Variants in FKBP3 observed in about 807,000 individuals in gnomAD.
The protein encoded by FKBP3 is FKBP prolyl isomerase 3.
A neutral mutation model predicts 30.6 loss-of-function variants in FKBP3; 21 were observed. The ratio of observed to expected loss-of-function variants is 0.69; its 90% CI spans 0.49 to 0.99. The LOEUF (loss-of-function observed/expected upper bound fraction) is 0.99, where lower values mean the gene tolerates loss of function less well. Ranked by LOEUF, FKBP3 falls within the 50% of genes least tolerant of loss-of-function variation. The pLI, the probability that FKBP3 is intolerant of heterozygous loss-of-function variation, is 0.00. For synonymous variants in FKBP3, 82 were observed against 91.3 expected, an observed-to-expected ratio of 0.90 and a Z score of 0.58; for missense variants, 283 against 261.6, an observed-to-expected ratio of 1.08 and a Z score of -0.56.
chr14:45,134,097 A>C (rs1885299607), intron 1 of FKBP3, among the ~76,000 whole-genome samples: 1 of 152,144 alleles, frequency 6.6e-6, no homozygotes. Context: ...CAAGGATCCC[A>C]ATGAGGTTCT....
At chr14:45,120,711 C>T (rs1430080050) in intron 5 of FKBP3, among the ~76,000 whole-genome samples, 176 bp downstream of exon 5, 2 of 152,096 alleles carry the variant, frequency 1.3e-5, no homozygotes, top group Non-Finnish European at 1.5e-5. Context: ...TTATATGTAG[C>T]GAAACTGAGA....
chr14:45,122,250 G>C (rs767259707), intron 3 of FKBP3, among the ~76,000 whole-genome samples: 7 of 151,612 alleles, frequency 4.6e-5, no homozygotes, highest in Non-Finnish European at 7.4e-5. Context: ...AGCAGACAGA[G>C]GAACTGTCAA....
At chr14:45,131,628 C>CAAAAAAAAAAAAAA (rs536298530) in intron 1 of FKBP3, among the ~76,000 whole-genome samples, 1 of 39,496 alleles carries the variant, frequency 2.5e-5, no homozygotes, top group African/African-American at 8.6e-5. Flanking sequence ...GACTCTGTCT[C>CAAAAAAAAAAAAAA]AAAAAAAAAA....
intron 1 of FKBP3, among the ~76,000 whole-genome samples, chr14:45,132,228 C>T (rs1242032696): frequency 6.6e-6 from 1 of 152,102 alleles, no homozygotes; most frequent in Non-Finnish European, 1.5e-5. Context: ...GGAAAGGAGA[C>T]AAAGTTGACT....
intron 5 of FKBP3, among the ~76,000 whole-genome samples, chr14:45,119,375 A>G (rs1166972779): frequency 6.6e-6 from 1 of 152,072 alleles, no homozygotes; most frequent in Non-Finnish European, 1.5e-5. Flanking sequence ...AGCACTCAAG[A>G]CCAGCCTGAC....
intron 1 of FKBP3, among the ~76,000 whole-genome samples, chr14:45,132,259 C>T (rs1566709337): frequency 6.6e-6 from 1 of 152,176 alleles, no homozygotes; most frequent in Non-Finnish European, 1.5e-5. Context: ...AATCAGTTAC[C>T]TTTAGCATGC....
chr14:45,117,387 G>A (rs1884871436), intron 6 of FKBP3, among the ~76,000 whole-genome samples: 1 of 152,146 alleles, frequency 6.6e-6, no homozygotes, highest in Admixed American at 6.6e-5. Context: ...TAATCTGATG[G>A]GTCCAAGAGG....
intron 3 of FKBP3, among the ~76,000 whole-genome samples, chr14:45,123,966 A>G (rs1384653106): frequency 6.6e-6 from 1 of 151,744 alleles, no homozygotes; most frequent in African/African-American, 2.4e-5. Flanking sequence ...ATCAGACTGG[A>G]GTTTAGCTCT....
At chr14:45,123,956 A>AC in intron 3 of FKBP3, among the ~76,000 whole-genome samples, 1 of 151,716 alleles carries the variant, frequency 6.6e-6, no homozygotes, top group Admixed American at 6.6e-5. Context: ...CCCTCCACAA[A>AC]TCAGACTGGA....
At chr14:45,132,984 C>G (rs1219578895) in intron 1 of FKBP3, among the ~76,000 whole-genome samples, 1 of 152,194 alleles carries the variant, frequency 6.6e-6, no homozygotes, top group Non-Finnish European at 1.5e-5. Flanking sequence ...ATCCCCGACA[C>G]ATGTTCTTTT....
intron 1 of FKBP3, among the ~76,000 whole-genome samples, chr14:45,132,953 G>T (rs944476486): frequency 3.9e-5 from 6 of 152,142 alleles, no homozygotes; most frequent in African/African-American, 1.4e-4. Context: ...AGAGAAAATA[G>T]TTCCATTAAA....
chr14:45,126,607 C>G (rs960211706), intron 3 of FKBP3, among the ~76,000 whole-genome samples: 2 of 152,102 alleles, frequency 1.3e-5, no homozygotes, highest in African/African-American at 4.8e-5. Context: ...TATTGAAGAC[C>G]AGTGGTGACC....
chr14:45,134,328 C>A (rs754193578), intron 1 of FKBP3, 21 bp downstream of exon 1: 1 of 1,584,078 alleles, frequency 6.3e-7, no homozygotes, highest in Non-Finnish European at 8.7e-7. Flanking sequence ...ACCAGCCCGG[C>A]CGCCCCTACG....
chr14:45,121,985 C>A (rs1884995012), intron 3 of FKBP3, among the ~76,000 whole-genome samples: 1 of 152,010 alleles, frequency 6.6e-6, no homozygotes. Flanking sequence ...ATGGTGACTT[C>A]CCCCCCACAA....
At position 45,116,128 on chromosome 14, in the gene FKBP3, T is replaced by C. The variant is rs368824796; in HGVS notation, c.*70A>G. 17 of 1,046,946 alleles carry C rather than the reference T, an allele frequency of 1.6e-5. No homozygotes were observed. The highest frequency in any genetic ancestry group is 2.5e-5 in the Non-Finnish European group (17 of 671,122). The allele number at this position is 1,046,946 out of a possible 1,614,324, so 64.9% of individuals were successfully genotyped here. ...TACAATAGTAACAAGTTCTAACTAG[T>C]TGTGTAAATTTCTTCAAGGCCAAGT... On this transcript the variant is annotated 3_prime_UTR_variant, in exon 7 of 7. Coordinates refer to ENST00000396062, the MANE Select transcript of FKBP3 (RefSeq NM_002013.4).
intron 5 of FKBP3, 34 bp from the exon 6 acceptor site, chr14:45,118,159 T>C (rs1484548311): frequency 2.8e-5 from 41 of 1,449,662 alleles, no homozygotes; most frequent in Non-Finnish European, 3.9e-5. Flanking sequence ...ACTAATGGTA[T>C]TTTGCAAAAA....
At chr14:45,130,191 A>T (rs1193821748) in intron 2 of FKBP3, among the ~76,000 whole-genome samples, 2 of 152,250 alleles carry the variant, frequency 1.3e-5, no homozygotes, top group African/African-American at 4.8e-5. Context: ...GCACTATTCA[A>T]ATAACTCCTA....
At chr14:45,118,430 G>C (rs1237795805) in intron 5 of FKBP3, among the ~76,000 whole-genome samples, 1 of 152,004 alleles carries the variant, frequency 6.6e-6, no homozygotes, top group African/African-American at 2.4e-5. Flanking sequence ...AGGAGTTTGA[G>C]ACCAGCCTAG....
intron 6 of FKBP3, 142 bp from the exon 7 acceptor site, chr14:45,116,394 G>T: frequency 1.8e-6 from 1 of 563,906 alleles, no homozygotes; most frequent in East Asian, 2.8e-5. Flanking sequence ...TGCTTTACAA[G>T]TACTCCTAAA....
Sources: gnomAD v4.1 joint callset for allele counts (sites outside exome capture counted in the v4.1 genomes callset) on GRCh38, gnomAD v4.1.1 for gene constraint, MANE v1.5 for transcripts, NCBI Gene and HGNC (gene_info 2026-07-23, HGNC 2026-07-21) for gene names.